The following RELN variants were observed in gnomAD, a reference collection of about 807,000 sequenced individuals.
RELN encodes the protein reelin.
A neutral mutation model predicts 427.6 loss-of-function variants in RELN; 108 were observed. The observed-to-expected ratio is 0.25, with a 90% confidence interval of 0.22 to 0.30. The LOEUF (loss-of-function observed/expected upper bound fraction) is 0.30. Among genes scored for constraint, RELN ranks in the 10% least tolerant of loss-of-function variants. The pLI, the probability that RELN is intolerant of heterozygous loss-of-function variation, is 1.00. For synonymous variants in RELN, 1,524 were observed against 1,513.4 expected, an observed-to-expected ratio of 1.01 and a Z score of -0.16; for missense variants, 3,715 against 4,302.8, an observed-to-expected ratio of 0.86 and a Z score of 3.82.
intron 1 of RELN, among the ~76,000 whole-genome samples, chr7:103,966,221 C>G (rs199878243): frequency 6.6e-6 from 1 of 151,612 alleles, no homozygotes; most frequent in African/African-American, 2.4e-5. Flanking sequence ...AAATTACCCG[C>G]TTTTTCCAGT....
At position 103,629,996 on chromosome 7, in the gene RELN, A is replaced by G; in HGVS notation, c.2646T>C (p.Ser882=). 1 of 1,613,972 alleles carries G rather than the reference A, an allele frequency of 6.2e-7. No homozygotes were observed. The highest frequency in any genetic ancestry group is 8.5e-7 in the Non-Finnish European group (1 of 1,179,892). ...DFTNLVEVTQ[S]LGFYLGNVQP... Reference sequence around the variant, plus strand: ...GAACATTTCCAAGGTAGAATCCCAGAGACTGAGTGACCTCCACAAGATTGG... The same window carrying G: ...GAACATTTCCAAGGTAGAATCCCAGGGACTGAGTGACCTCCACAAGATTGG... Residue 882 remains serine (S), a synonymous_variant, in exon 20 of 65, where the codon TCT becomes TCC. Coordinates refer to ENST00000428762, the MANE Select transcript of RELN (RefSeq NM_005045.4).
chr7:103,518,834 G>A (rs965049247), intron 49 of RELN, among the ~76,000 whole-genome samples: 9 of 151,790 alleles, frequency 5.9e-5, no homozygotes, highest in Non-Finnish European at 4.4e-5. Flanking sequence ...CGGCCCTTCA[G>A]TACTTTTTTT....
chr7:103,909,682 TTAATA>T (rs1563084686), intron 2 of RELN, among the ~76,000 whole-genome samples: 4 of 64,738 alleles, frequency 6.2e-5, no homozygotes, highest in African/African-American at 3.9e-4. Context: ...TTAAATATAT[TTAATA>T]AATATATATA....
At chr7:103,699,896 C>T (rs1304126596) in intron 9 of RELN, among the ~76,000 whole-genome samples, 1 of 152,028 alleles carries the variant, frequency 6.6e-6, no homozygotes, top group East Asian at 1.9e-4. Context: ...GTTAGAAACA[C>T]TTTTCTCAGT....
chr7:103,863,011 C>T (rs28760395), intron 2 of RELN, among the ~76,000 whole-genome samples: 20,834 of 151,968 alleles, frequency 0.14, 1,603 homozygotes, highest in East Asian at 0.27. Context: ...GCAGCTAGAG[C>T]GCTGAAACAG....
intron 8 of RELN, among the ~76,000 whole-genome samples, chr7:103,711,106 A>G (rs1314152829): frequency 6.6e-6 from 1 of 152,174 alleles, no homozygotes; most frequent in Non-Finnish European, 1.5e-5. Context: ...AGATATAAGG[A>G]AAAAAGTACT....
At chr7:103,546,572 C>T (rs945209505) in intron 41 of RELN, among the ~76,000 whole-genome samples, 3 of 152,156 alleles carry the variant, frequency 2.0e-5, no homozygotes, top group African/African-American at 7.2e-5. Flanking sequence ...TTCTATCTTA[C>T]TTTCTCTTCC....
chr7:103,532,665 C>T (rs1829967580), intron 46 of RELN, among the ~76,000 whole-genome samples: 1 of 152,154 alleles, frequency 6.6e-6, no homozygotes, highest in Non-Finnish European at 1.5e-5. Flanking sequence ...ATCTCAAATA[C>T]ACCTGTCCCC....
chr7:103,809,046 CAA>C (rs1345580830), intron 3 of RELN, among the ~76,000 whole-genome samples: 4 of 152,216 alleles, frequency 2.6e-5, no homozygotes, highest in Middle Eastern at 3.4e-3. Flanking sequence ...GTGTAAAGAA[CAA>C]AAGTTTCTTC....
intron 41 of RELN, among the ~76,000 whole-genome samples, chr7:103,546,451 G>A (rs537477742): frequency 3.9e-4 from 60 of 152,160 alleles, no homozygotes; most frequent in Non-Finnish European, 6.9e-4. Flanking sequence ...GAATAGTAAT[G>A]CTATAAATAT....
At chr7:103,565,583 T>C in intron 33 of RELN, 32 bp from the exon 34 acceptor site, 4 of 1,603,036 alleles carry the variant, frequency 2.5e-6, no homozygotes, top group Non-Finnish European at 2.6e-6. Flanking sequence ...TGGTAGCATA[T>C]ATGTGTGCCA....
chr7:103,483,449 C>G (rs1828312114), intron 62 of RELN, among the ~76,000 whole-genome samples: 1 of 152,198 alleles, frequency 6.6e-6, no homozygotes, highest in South Asian at 2.1e-4. Flanking sequence ...GTCCTTATTC[C>G]TTGCTTTAAT....
At chr7:103,874,151 C>A (rs1794419509) in intron 2 of RELN, among the ~76,000 whole-genome samples, 1 of 138,874 alleles carries the variant, frequency 7.2e-6, no homozygotes, top group Non-Finnish European at 1.6e-5. Context: ...TGACAAAATT[C>A]AACAACCCTT....
At chr7:103,712,336 C>T (rs550074302) in intron 8 of RELN, among the ~76,000 whole-genome samples, 87 of 152,202 alleles carry the variant, frequency 5.7e-4, no homozygotes, top group African/African-American at 2.1e-3. Flanking sequence ...GTTGGCATAA[C>T]AAACAGTATA....
At chr7:103,523,706 C>T (rs1413160796) in intron 46 of RELN, among the ~76,000 whole-genome samples, 175 bp from the exon 47 acceptor site, 1 of 152,102 alleles carries the variant, frequency 6.6e-6, no homozygotes, top group African/African-American at 2.4e-5. Flanking sequence ...GAGATGGAGT[C>T]TTGCTCTGTC....
At chr7:103,973,254 G>C (rs1292741858) in intron 1 of RELN, among the ~76,000 whole-genome samples, 1 of 152,238 alleles carries the variant, frequency 6.6e-6, no homozygotes, top group Non-Finnish European at 1.5e-5. Flanking sequence ...TGTAATAAGA[G>C]AGAGTGTCTG....
intron 36 of RELN, 91 bp downstream of exon 36, chr7:103,561,441 A>C: frequency 3.9e-6 from 4 of 1,018,078 alleles, no homozygotes; most frequent in Non-Finnish European, 6.3e-6. Context: ...TGTCATTTGA[A>C]GAGATTCAGA....
chr7:103,941,516 C>T (rs1382596521), intron 1 of RELN, among the ~76,000 whole-genome samples: 1 of 151,914 alleles, frequency 6.6e-6, no homozygotes, highest in Non-Finnish European at 1.5e-5. Flanking sequence ...TTCAACCATA[C>T]CTAGTCAAAT....
intron 11 of RELN, among the ~76,000 whole-genome samples, chr7:103,677,673 C>T (rs1000502413): frequency 5.1e-5 from 7 of 138,168 alleles, no homozygotes; most frequent in Admixed American, 8.2e-5. Flanking sequence ...GGCTGAGAGA[C>T]GAGAATCACT....
Sources: gnomAD v4.1 joint callset for allele counts (sites outside exome capture counted in the v4.1 genomes callset) on GRCh38, gnomAD v4.1.1 for gene constraint, MANE v1.5 for transcripts, NCBI Gene and HGNC (gene_info 2026-07-23, HGNC 2026-07-21) for gene names.